TNR: variants seen among roughly 807,000 people sequenced by gnomAD.
The protein encoded by TNR is tenascin R.
A neutral mutation model predicts 150.4 loss-of-function variants in TNR; 45 were observed. The observed-to-expected ratio is 0.30, with a 90% CI of 0.24 to 0.38. The LOEUF (loss-of-function observed/expected upper bound fraction) is 0.38, where lower values mean the gene tolerates loss of function less well. Ranked by LOEUF, TNR falls within the 10% of genes least tolerant of loss-of-function variation. The probability of loss-of-function intolerance (pLI) is 1.00; values close to 1 mark genes in which losing one functional copy is unlikely to be tolerated. For missense variants in TNR, 1,544 were observed against 1,759.1 expected (o/e 0.88, Z 2.19); for synonymous variants, 687 against 678.4 (o/e 1.01, Z -0.20).
At chr1:175,498,216 T>C (rs1177973732) in intron 2 of TNR, among the ~76,000 whole-genome samples, 2 of 152,220 alleles carry the variant, frequency 1.3e-5, no homozygotes, top group Non-Finnish European at 2.9e-5. Flanking sequence ...ACCTCTTGCA[T>C]AGTAAGAAAC....
At chr1:175,408,035 C>T (rs1283947509) in intron 2 of TNR, among the ~76,000 whole-genome samples, 1 of 152,144 alleles carries the variant, frequency 6.6e-6, no homozygotes, top group Non-Finnish European at 1.5e-5. Context: ...CTCATCTTTT[C>T]CCTCCTGCCT....
chr1:175,486,721 C>T (rs897783207), intron 2 of TNR, among the ~76,000 whole-genome samples: 9 of 152,208 alleles, frequency 5.9e-5, no homozygotes, highest in Non-Finnish European at 8.8e-5. Context: ...AATGGTTGAA[C>T]TAATTTACAC....
chr1:175,534,142 C>T (rs1660179293), intron 1 of TNR, among the ~76,000 whole-genome samples: 1 of 152,214 alleles, frequency 6.6e-6, no homozygotes, highest in Non-Finnish European at 1.5e-5. Context: ...ACCTCATGCT[C>T]ACACAAGAGC....
intron 1 of TNR, among the ~76,000 whole-genome samples, chr1:175,621,787 A>G (rs1455620142): frequency 1.3e-5 from 2 of 152,164 alleles, no homozygotes; most frequent in African/African-American, 4.8e-5. Flanking sequence ...GAAACTATCA[A>G]CATTCAACAT....
intron 1 of TNR, among the ~76,000 whole-genome samples, chr1:175,570,753 A>G (rs1661832910): frequency 2.0e-5 from 3 of 152,104 alleles, no homozygotes; most frequent in South Asian, 4.2e-4. Context: ...CCTTTATAAA[A>G]GGAGTCATCA....
intron 8 of TNR, among the ~76,000 whole-genome samples, chr1:175,383,910 C>T (rs1652801807): frequency 6.6e-6 from 1 of 152,198 alleles, no homozygotes; most frequent in Non-Finnish European, 1.5e-5. Flanking sequence ...ATTGAGAAGT[C>T]AGCCGCCTGA....
intron 1 of TNR, among the ~76,000 whole-genome samples, chr1:175,740,036 G>A (rs988052107): frequency 2.0e-5 from 3 of 152,198 alleles, no homozygotes; most frequent in African/African-American, 4.8e-5. Context: ...TTCTATAAAT[G>A]CGGTTGAAAT....
intron 1 of TNR, among the ~76,000 whole-genome samples, chr1:175,554,397 G>T (rs1380900242): frequency 6.6e-6 from 1 of 151,470 alleles, no homozygotes; most frequent in Non-Finnish European, 1.5e-5. Flanking sequence ...TAAAATCAAG[G>T]CATATTTTGA....
chr1:175,377,366 G>C (rs1484069760), intron 9 of TNR, among the ~76,000 whole-genome samples: 1 of 151,768 alleles, frequency 6.6e-6, no homozygotes, highest in Non-Finnish European at 1.5e-5. Context: ...GTTAGCCATC[G>C]ATTTTATATA....
intron 9 of TNR, among the ~76,000 whole-genome samples, chr1:175,378,320 TCA>T (rs1652506746): frequency 6.6e-6 from 1 of 152,152 alleles, no homozygotes; most frequent in Non-Finnish European, 1.5e-5. Flanking sequence ...ATTCATTCAT[TCA>T]TTCATTCATT....
chr1:175,740,209 A>G (rs191375752), intron 1 of TNR, among the ~76,000 whole-genome samples: 3 of 152,318 alleles, frequency 2.0e-5, no homozygotes, highest in Admixed American at 6.5e-5. Context: ...ACATTCAGCA[A>G]TACATTTCTG....
intron 2 of TNR, among the ~76,000 whole-genome samples, chr1:175,520,858 T>A (rs1017018188): frequency 6.6e-6 from 1 of 151,930 alleles, no homozygotes; most frequent in Non-Finnish European, 1.5e-5. Flanking sequence ...TTATTTCTCC[T>A]CTTCTCTGCT....
In TNR at chr1:175,671,720, A is replaced by G. The variant is rs60620538; in HGVS notation, c.-165+71506T>C. On this transcript the variant is annotated intron_variant, in intron 1 of 22. Transcript: ENST00000367674. ...AATTCAAATTAACTGGGTTTGTCAT[A>G]TTTTTATTTGCTAAATCTAATGACT... 3.1e-3 allele frequency among the ~76,000 whole-genome samples: 476 copies of G among 152,290 alleles called. 3 individuals are homozygous for G. Among genetic ancestry groups the G allele is most frequent in the African/African-American group, 0.011 (462 of 41,556 alleles).
chr1:175,670,719 A>G (rs1665673021), intron 1 of TNR, among the ~76,000 whole-genome samples: 8 of 152,214 alleles, frequency 5.3e-5, no homozygotes, highest in Admixed American at 5.2e-4. Context: ...AGGAAAGAGC[A>G]TGACATTTTC....
In TNR at chr1:175,331,101, C is replaced by CTTTCTTTCTTTCTTTCTTTCTT. The variant is rs1368309847; in HGVS notation, c.3632-867_3632-866insAAGAAAGAAAGAAAGAAAGAAA. 1.6e-4 allele frequency among the ~76,000 whole-genome samples: 16 copies of CTTTCTTTCTTTCTTTCTTTCTT among 98,206 alleles called. 1 individual carries two copies. The highest frequency in any genetic ancestry group is 2.7e-4 in the South Asian group (1 of 3,694). 64.4% of individuals were successfully genotyped at this position (98,206 alleles called of 152,430 possible). A position where few individuals can be genotyped will look rare whatever the true frequency, so the allele number is the denominator to read the frequency against. ...TCCTTCTTTCTTTCTTTCTTTCTTT[C>CTTTCTTTCTTTCTTTCTTTCTT]TCTCTCTCTTTCTTTTCTTTCTTTC... On this transcript the variant is annotated intron_variant, in intron 20 of 22. Coordinates refer to ENST00000367674, the MANE Select transcript of TNR (RefSeq NM_003285.3).
At chr1:175,378,384 C>T (rs550655981) in intron 9 of TNR, among the ~76,000 whole-genome samples, 1 of 152,218 alleles carries the variant, frequency 6.6e-6, no homozygotes, top group South Asian at 2.1e-4. Flanking sequence ...AAATATGGTG[C>T]AATGTTCACA....
At chr1:175,466,990 T>C (rs1304674111) in intron 2 of TNR, among the ~76,000 whole-genome samples, 1 of 152,170 alleles carries the variant, frequency 6.6e-6, no homozygotes, top group African/African-American at 2.4e-5. Context: ...ACTTAACCCC[T>C]GAATCCTCAG....
chr1:175,418,377 T>C (rs1654598627), intron 2 of TNR, among the ~76,000 whole-genome samples: 2 of 152,170 alleles, frequency 1.3e-5, no homozygotes, highest in African/African-American at 4.8e-5. Context: ...AAAGATGGCT[T>C]TTGAGCTGGG....
At chr1:175,603,136 T>C (rs1328470793) in intron 1 of TNR, among the ~76,000 whole-genome samples, 1 of 152,228 alleles carries the variant, frequency 6.6e-6, no homozygotes, top group East Asian at 1.9e-4. Context: ...GTAACAAAAG[T>C]GATTTACCCA....
Sources: gnomAD v4.1 joint callset for allele counts (sites outside exome capture counted in the v4.1 genomes callset) on GRCh38, gnomAD v4.1.1 for gene constraint, MANE v1.5 for transcripts, NCBI Gene and HGNC (gene_info 2026-07-23, HGNC 2026-07-21) for gene names.